ADGRG2: variants seen among roughly 807,000 people sequenced by gnomAD.
The protein encoded by ADGRG2 is adhesion G protein-coupled receptor G2.
A neutral mutation model predicts 74.1 loss-of-function variants in ADGRG2; 26 were observed. The ratio of observed to expected loss-of-function variants is 0.35; its 90% CI spans 0.26 to 0.49. ADGRG2 has a LOEUF of 0.49. Among genes scored for constraint, ADGRG2 ranks in the 20% least tolerant of loss-of-function variants. The probability of loss-of-function intolerance (pLI) is 0.99; values close to 1 mark genes in which losing one functional copy is unlikely to be tolerated. For missense variants in ADGRG2, 619 were observed against 763.1 expected, an observed-to-expected ratio of 0.81 and a Z score of 2.22; for synonymous variants, 296 against 295.2, an observed-to-expected ratio of 1.00 and a Z score of -0.03.
chrX:19,028,561 A>T (rs2060754878), intron 9 of ADGRG2, among the ~76,000 whole-genome samples: 1 of 110,909 alleles, frequency 9.0e-6, no homozygotes, highest in Non-Finnish European at 1.9e-5. Flanking sequence ...ATCTATATGC[A>T]GGGGTGTCCA....
At chrX:19,075,834 C>G (rs148507888) in intron 2 of ADGRG2, among the ~76,000 whole-genome samples, 1,823 of 110,765 alleles carry the variant, frequency 0.016, 37 homozygotes, top group African/African-American at 0.056. Context: ...TTCAGACAAA[C>G]AGAAACTGTG....
At chrX:19,063,944 A>T (rs1464609174) in intron 3 of ADGRG2, among the ~76,000 whole-genome samples, 1 of 111,870 alleles carries the variant, frequency 8.9e-6, no homozygotes, top group Non-Finnish European at 1.9e-5. Context: ...TCATGAGCAG[A>T]TGAGTATTAT....
chrX:19,088,970 T>C, intron 1 of ADGRG2, among the ~76,000 whole-genome samples: 1 of 111,396 alleles, frequency 9.0e-6, no homozygotes, highest in Middle Eastern at 4.6e-3. Flanking sequence ...TTTTCCTGTT[T>C]CCATATATAT....
intron 3 of ADGRG2, among the ~76,000 whole-genome samples, chrX:19,066,788 G>A (rs1193213038): frequency 9.0e-6 from 1 of 110,946 alleles, no homozygotes; most frequent in Non-Finnish European, 1.9e-5. Flanking sequence ...TTTGGCAGTT[G>A]TGCCCACAGA....
intron 2 of ADGRG2, among the ~76,000 whole-genome samples, chrX:19,081,044 G>C (rs1400924510): frequency 9.0e-6 from 1 of 110,683 alleles, no homozygotes; most frequent in African/African-American, 3.3e-5. Context: ...TCCTGCCCTC[G>C]ATAGCTTAAT....
intron 2 of ADGRG2, among the ~76,000 whole-genome samples, chrX:19,077,444 G>A (rs1231097999): frequency 2.9e-5 from 3 of 104,624 alleles, no homozygotes; most frequent in African/African-American, 1.1e-4. Flanking sequence ...AACCCAGGAG[G>A]CAGAGGTTGC....
At chrX:19,079,900 C>T (rs746201610) in intron 2 of ADGRG2, among the ~76,000 whole-genome samples, 60 of 107,641 alleles carry the variant, frequency 5.6e-4, no homozygotes, top group African/African-American at 2.0e-3. Flanking sequence ...TGCTTTTTGT[C>T]TGGTTTGGTT....
chrX:19,009,847 T>C, intron 17 of ADGRG2, 65 bp from the exon 18 acceptor site: 9 of 939,333 alleles, frequency 9.6e-6, no homozygotes, highest in Non-Finnish European at 1.3e-5. Flanking sequence ...AGTCTCGCTC[T>C]GTTGCCAGGC....
intron 3 of ADGRG2, among the ~76,000 whole-genome samples, chrX:19,054,224 T>C (rs181767190): frequency 3.3e-4 from 37 of 112,270 alleles, no homozygotes; most frequent in South Asian, 7.4e-4. Flanking sequence ...GGGATCACTT[T>C]GAGAACATGG....
At chrX:19,107,817 T>C (rs930138002) in intron 1 of ADGRG2, among the ~76,000 whole-genome samples, 2 of 109,653 alleles carry the variant, frequency 1.8e-5, no homozygotes, top group Admixed American at 9.9e-5. Context: ...AATTAAAGTA[T>C]AGGCTGGGCG....
chrX:19,014,482 T>C (rs2060425850), intron 15 of ADGRG2, among the ~76,000 whole-genome samples: 1 of 112,020 alleles, frequency 8.9e-6, no homozygotes, highest in Non-Finnish European at 1.9e-5. Flanking sequence ...TAGCCTGGCA[T>C]AGTGGTAGCT....
chrX:19,085,527 C>G (rs2061923290), intron 1 of ADGRG2, among the ~76,000 whole-genome samples: 1 of 110,602 alleles, frequency 9.0e-6, no homozygotes, highest in Non-Finnish European at 1.9e-5. Context: ...TGGGGTCTCA[C>G]CATGTTGCCC....
chrX:19,039,025 C>T (rs1022649185), intron 4 of ADGRG2, among the ~76,000 whole-genome samples: 3 of 111,678 alleles, frequency 2.7e-5, no homozygotes, highest in Non-Finnish European at 5.6e-5. Flanking sequence ...TACCACTTAC[C>T]AAGGGTTTAC....
chrX:19,053,620 GA>G (rs1480381818), intron 3 of ADGRG2, among the ~76,000 whole-genome samples: 3 of 112,013 alleles, frequency 2.7e-5, no homozygotes, highest in Non-Finnish European at 5.6e-5. Context: ...CAGGCACGAA[GA>G]TAAGTGTAAC....
Position 18,995,315 on chromosome X carries a change from T to C in ADGRG2, c.2717-267A>G, listed in dbSNP as rs957051242. On this transcript the variant is annotated intron_variant, in intron 27 of 28. Coordinates refer to ENST00000379869, the MANE Select transcript of ADGRG2 (RefSeq NM_001079858.3). ...ATTTGATTATGTCTATAAATATCCA[T>C]AGAATTAGGTAGTGATTCAGAGCCT... Among the ~76,000 whole-genome samples the C allele has an allele frequency of 6.3e-4, 71 of 112,093 alleles. 1 individual carries two copies. The highest frequency in any genetic ancestry group is 7.5e-4 in the Non-Finnish European group (40 of 53,236).
At chrX:19,091,876 A>G (rs1183044129) in intron 1 of ADGRG2, among the ~76,000 whole-genome samples, 2 of 112,691 alleles carry the variant, frequency 1.8e-5, no homozygotes, top group Non-Finnish European at 3.7e-5. Context: ...ATTCGAGGTG[A>G]GAAACAAGGC....
chrX:19,104,475 C>A (rs924714756), intron 1 of ADGRG2, among the ~76,000 whole-genome samples: 1 of 111,994 alleles, frequency 8.9e-6, no homozygotes, highest in Non-Finnish European at 1.9e-5. Context: ...TTTGGTGTCA[C>A]GCAGACAAAA....
At chrX:19,099,202 AAATT>A (rs2062148719) in intron 1 of ADGRG2, among the ~76,000 whole-genome samples, 1 of 111,945 alleles carries the variant, frequency 8.9e-6, no homozygotes, top group Non-Finnish European at 1.9e-5. Flanking sequence ...AAAAAAAAAA[AAATT>A]AAGTGATGGG....
At chrX:19,015,111 A>G (rs760854101) in intron 15 of ADGRG2, among the ~76,000 whole-genome samples, 20 of 111,663 alleles carry the variant, frequency 1.8e-4, no homozygotes, top group African/African-American at 6.5e-4. Context: ...CAGTCTTGAG[A>G]GATCTAGGGA....
Sources: gnomAD v4.1 joint callset for allele counts (sites outside exome capture counted in the v4.1 genomes callset) on GRCh38, gnomAD v4.1.1 for gene constraint, MANE v1.5 for transcripts, NCBI Gene and HGNC (gene_info 2026-07-23, HGNC 2026-07-21) for gene names.